Variants in THSD7B observed in about 807,000 individuals in gnomAD.
THSD7B encodes thrombospondin type-1 domain-containing protein 7B.
Under a neutral mutation model 213.6 loss-of-function variants are expected in THSD7B, and 138 were observed. The ratio of observed to expected loss-of-function variants is 0.65; its 90% CI spans 0.56 to 0.74. THSD7B has a LOEUF of 0.74. Ranked by LOEUF, THSD7B falls within the 30% of genes least tolerant of loss-of-function variation. The pLI, the probability that THSD7B is intolerant of heterozygous loss-of-function variation, is 0.00. For missense variants in THSD7B, 1,931 were observed against 1,991.5 expected (o/e 0.97, Z 0.58); for synonymous variants, 742 against 687.0 (o/e 1.08, Z -1.25).
chr2:137,258,835 TC>T (rs1016652653), intron 10 of THSD7B, among the ~76,000 whole-genome samples: 2 of 151,292 alleles, frequency 1.3e-5, no homozygotes, highest in African/African-American at 4.9e-5. Context: ...CCCTCCCATG[TC>T]CCCCCCAACC....
At chr2:137,577,378 A>G (rs1462312745) in intron 17 of THSD7B, among the ~76,000 whole-genome samples, 1 of 152,060 alleles carries the variant, frequency 6.6e-6, no homozygotes, top group East Asian at 1.9e-4. Context: ...GATATTTAAT[A>G]TGCTTGTTAT....
intron 15 of THSD7B, among the ~76,000 whole-genome samples, chr2:137,485,752 C>T (rs1001203056): frequency 2.0e-5 from 3 of 152,116 alleles, no homozygotes; most frequent in African/African-American, 4.8e-5. Context: ...GGAGAAAGAT[C>T]GGGTTACCCA....
chr2:137,295,920 C>T lies in THSD7B; in HGVS notation c.2500+19894C>T, dbSNP rs1350714513. Among the ~76,000 whole-genome samples, 8 of 152,058 alleles carry T rather than the reference C, an allele frequency of 5.3e-5. No homozygotes were observed. The South Asian group carries it at 6.3e-4, about 12-fold the overall frequency. The stretch of plus-strand genomic sequence containing the variant: ...TCAGATAGATTAGGCTTTGCAAATC[C>T]ATATCCTGTATGATCTGACCTCTTT... On this transcript the variant is annotated intron_variant, in intron 12 of 27. Transcript: ENST00000409968.
chr2:136,771,443 A>G (rs1681502620), intron 1 of THSD7B, among the ~76,000 whole-genome samples: 1 of 152,172 alleles, frequency 6.6e-6, no homozygotes. Flanking sequence ...TACTACATCA[A>G]TTTAACTCTT....
intron 2 of THSD7B, among the ~76,000 whole-genome samples, chr2:136,965,717 C>T (rs1266650543): frequency 2.0e-5 from 3 of 152,124 alleles, no homozygotes; most frequent in Non-Finnish European, 4.4e-5. Flanking sequence ...TAATGGTTAT[C>T]CTTTATTTTC....
chr2:136,788,199 G>A (rs1031949585), intron 1 of THSD7B, among the ~76,000 whole-genome samples: 2 of 152,164 alleles, frequency 1.3e-5, no homozygotes, highest in Non-Finnish European at 2.9e-5. Context: ...CCCAGAATGG[G>A]GTTAAAGTGC....
chr2:136,983,780 C>T (rs1369100848), intron 2 of THSD7B, among the ~76,000 whole-genome samples: 1 of 152,154 alleles, frequency 6.6e-6, no homozygotes, highest in African/African-American at 2.4e-5. Context: ...ATGGTATATA[C>T]ATGATGTGCA....
At chr2:137,094,793 T>A in intron 3 of THSD7B, 80 bp from the exon 4 acceptor site, 1 of 1,500,948 alleles carries the variant, frequency 6.7e-7, no homozygotes. Context: ...CAGAGTTTTT[T>A]TTCTCATGGT....
chr2:137,563,082 T>A, intron 15 of THSD7B, 139 bp from the exon 16 acceptor site: 1 of 883,556 alleles, frequency 1.1e-6, no homozygotes, highest in East Asian at 2.9e-5. Flanking sequence ...CTATCTTGCT[T>A]TTTTGGGAAA....
intron 17 of THSD7B, among the ~76,000 whole-genome samples, chr2:137,609,076 G>A (rs2104831025): frequency 6.6e-6 from 1 of 152,312 alleles, no homozygotes; most frequent in Non-Finnish European, 1.5e-5. Flanking sequence ...ACCCCCTGGG[G>A]AGGCTAAGTG....
intron 10 of THSD7B, among the ~76,000 whole-genome samples, chr2:137,250,320 A>G (rs957959227): frequency 1.3e-5 from 2 of 152,210 alleles, no homozygotes; most frequent in African/African-American, 4.8e-5. Context: ...ACATGTATAC[A>G]TGATGGAATG....
At chr2:137,518,802 C>T (rs535939834) in intron 15 of THSD7B, among the ~76,000 whole-genome samples, 77 of 152,320 alleles carry the variant, frequency 5.1e-4, no homozygotes, top group African/African-American at 1.6e-3. Context: ...GCTACGGCCA[C>T]TCCTGAGTGC....
intron 1 of THSD7B, among the ~76,000 whole-genome samples, chr2:136,783,146 G>A (rs183474533): frequency 1.3e-5 from 2 of 152,162 alleles, no homozygotes; most frequent in African/African-American, 4.8e-5. Context: ...TCATCATCCA[G>A]CACACTGCCT....
chr2:137,004,212 C>T (rs1558883624), intron 2 of THSD7B, among the ~76,000 whole-genome samples: 1 of 151,768 alleles, frequency 6.6e-6, no homozygotes, highest in Non-Finnish European at 1.5e-5. Context: ...AATGAGAAGT[C>T]TATGCATTTA....
chr2:137,509,265 C>T (rs973579891), intron 15 of THSD7B, among the ~76,000 whole-genome samples: 2 of 150,498 alleles, frequency 1.3e-5, no homozygotes, highest in African/African-American at 4.9e-5. Flanking sequence ...TTCCTTCCTT[C>T]TTTCCTTCCT....
At chr2:137,192,304 TTATAG>T (rs1449607015) in intron 7 of THSD7B, among the ~76,000 whole-genome samples, 1 of 152,110 alleles carries the variant, frequency 6.6e-6, no homozygotes. Flanking sequence ...TCCAAGTATA[TTATAG>T]TATAGGCAGT....
chr2:137,572,897 T>A (rs73958895), intron 17 of THSD7B, among the ~76,000 whole-genome samples: 9 of 151,910 alleles, frequency 5.9e-5, no homozygotes, highest in South Asian at 4.2e-4. Context: ...ATCTTGGTCC[T>A]GTTCCATTTT....
At position 136,917,736 on chromosome 2, in the gene THSD7B, C is replaced by T. The variant is rs531847896; in HGVS notation, c.139+35419C>T. Among the ~76,000 whole-genome samples the T allele has an allele frequency of 6.6e-5, 10 of 152,312 alleles. No individual in the cohort carries two copies. The East Asian group carries it at 1.2e-3, about 18-fold the overall frequency. ...GAGCCATAAGTAAAAGTTGGCCTAC[C>T]GTCTGTTCTGTCACCCTGGAGGACT... is the stretch of plus-strand genomic sequence containing the variant. On this transcript the variant is annotated intron_variant, in intron 2 of 27. Transcript: ENST00000409968.
chr2:137,141,794 C>T (rs1382451812), intron 5 of THSD7B, among the ~76,000 whole-genome samples: 1 of 151,932 alleles, frequency 6.6e-6, no homozygotes, highest in African/African-American at 2.4e-5. Flanking sequence ...ACACTCCTTC[C>T]CTGGGGCAGC....
Sources: allele counts gnomAD v4.1 joint callset (sites outside exome capture counted in the v4.1 genomes callset), GRCh38; gene constraint gnomAD v4.1.1; transcripts MANE v1.5; gene names NCBI Gene and HGNC (gene_info 2026-07-23, HGNC 2026-07-21).